Variants in NAALADL2 observed in about 807,000 individuals in gnomAD.
NAALADL2 encodes the protein inactive N-acetylated-alpha-linked acidic dipeptidase-like protein 2.
Under a neutral mutation model 87.2 loss-of-function variants are expected in NAALADL2, and 76 were observed. The ratio of observed to expected loss-of-function variants is 0.87; its 90% confidence interval spans 0.72 to 1.05. The LOEUF (loss-of-function observed/expected upper bound fraction) is 1.05, where lower values mean the gene tolerates loss of function less well. Among genes scored for constraint, NAALADL2 ranks in the 50% least tolerant of loss-of-function variants. The pLI, the probability that NAALADL2 is intolerant of heterozygous loss-of-function variation, is 0.00. For missense variants in NAALADL2, 1,089 were observed against 945.8 expected (o/e 1.15, Z -1.99); for synonymous variants, 354 against 331.0 (o/e 1.07, Z -0.75).
intron 2 of NAALADL2, among the ~76,000 whole-genome samples, chr3:174,726,974 C>A (rs887197656): frequency 2.0e-5 from 3 of 151,964 alleles, no homozygotes; most frequent in African/African-American, 7.2e-5. Flanking sequence ...ATATGTGGTT[C>A]ATTTATTTAT....
At chr3:175,175,485 G>T (rs750277927) in intron 2 of NAALADL2, among the ~76,000 whole-genome samples, 3 of 151,722 alleles carry the variant, frequency 2.0e-5, no homozygotes, top group Admixed American at 6.6e-5. Context: ...CAATATCTTG[G>T]CCTTTGTATT....
chr3:175,241,135 A>G lies in NAALADL2; in HGVS notation c.819+6931A>G, dbSNP rs571795489. On this transcript the variant is annotated intron_variant, in intron 3 of 13. Coordinates refer to ENST00000454872, the MANE Select transcript of NAALADL2 (RefSeq NM_207015.3). Reference sequence around the variant, plus strand: ...GCATACAGTCCCTTGGTCCAGTGTGACCTTCTGTTTCTCATTTTATGAGCT... The same window carrying G: ...GCATACAGTCCCTTGGTCCAGTGTGGCCTTCTGTTTCTCATTTTATGAGCT... 1.4e-4 allele frequency among the ~76,000 whole-genome samples: 22 copies of G among 152,206 alleles called. No homozygotes were observed. In the South Asian group the frequency reaches 3.9e-3, roughly 27 times the overall value.
intron 2 of NAALADL2, among the ~76,000 whole-genome samples, chr3:174,718,646 A>G (rs1022887589): frequency 2.6e-5 from 4 of 152,300 alleles, no homozygotes; most frequent in Admixed American, 2.0e-4. Context: ...AGGTCCAGAG[A>G]GATTAAGCAA....
chr3:174,868,896 G>A (rs1560303377), intron 1 of NAALADL2, among the ~76,000 whole-genome samples: 1 of 152,022 alleles, frequency 6.6e-6, no homozygotes, highest in Non-Finnish European at 1.5e-5. Flanking sequence ...AGGCATAAAT[G>A]GTGTATGACA....
intron 1 of NAALADL2, among the ~76,000 whole-genome samples, chr3:175,039,927 T>C (rs981992687): frequency 1.3e-5 from 2 of 152,208 alleles, no homozygotes; most frequent in Non-Finnish European, 2.9e-5. Flanking sequence ...TACAAGATTA[T>C]ACCTAACACT....
At chr3:175,509,111 C>T (rs373852892) in intron 9 of NAALADL2, among the ~76,000 whole-genome samples, 6 of 149,286 alleles carry the variant, frequency 4.0e-5, no homozygotes, top group East Asian at 3.9e-4. Flanking sequence ...AGCAAAACTC[C>T]GTGTCAAAAA....
At chr3:175,141,306 A>G (rs1385198671) in intron 2 of NAALADL2, among the ~76,000 whole-genome samples, 1 of 152,076 alleles carries the variant, frequency 6.6e-6, no homozygotes, top group Non-Finnish European at 1.5e-5. Flanking sequence ...GCAGTTCCCA[A>G]CAGGTCAAGT....
chr3:174,460,276 A>T (rs1716130645), intron 1 of NAALADL2, among the ~76,000 whole-genome samples: 1 of 152,114 alleles, frequency 6.6e-6, no homozygotes, highest in South Asian at 2.1e-4. Flanking sequence ...TTGTTCATGT[A>T]TTAAAACAGT....
intron 1 of NAALADL2, among the ~76,000 whole-genome samples, chr3:175,008,357 G>C (rs973626954): frequency 6.6e-6 from 1 of 152,104 alleles, no homozygotes; most frequent in African/African-American, 2.4e-5. Context: ...CCTCAGCCTG[G>C]GTGGCCGAGT....
intron 1 of NAALADL2, among the ~76,000 whole-genome samples, chr3:175,018,930 G>C (rs777410793): frequency 1.3e-5 from 2 of 151,930 alleles, no homozygotes; most frequent in Non-Finnish European, 2.9e-5. Flanking sequence ...ACTTTCTTTT[G>C]GTAAGTGTTC....
chr3:175,232,176 AGGAG>A, intron 2 of NAALADL2, among the ~76,000 whole-genome samples: 1 of 151,336 alleles, frequency 6.6e-6, no homozygotes, highest in Non-Finnish European at 1.5e-5. Flanking sequence ...GAGGAGGAGA[AGGAG>A]CAAGAGGAAG....
At chr3:175,596,034 T>G (rs1722204209) in intron 10 of NAALADL2, among the ~76,000 whole-genome samples, 2 of 152,066 alleles carry the variant, frequency 1.3e-5, no homozygotes, top group Admixed American at 1.3e-4. Context: ...CCTTTTAATA[T>G]TTTTAAATAT....
intron 1 of NAALADL2, among the ~76,000 whole-genome samples, chr3:174,882,638 C>CATACATATATGTGCATATGCAT (rs1231155249): frequency 1.8e-4 from 15 of 81,284 alleles, no homozygotes; most frequent in African/African-American, 7.6e-4. Flanking sequence ...TGCATATACA[C>CATACATATATGTGCATATGCAT]ATATGTGCAT....
chr3:174,878,735 C>A (rs1728822103), intron 1 of NAALADL2, among the ~76,000 whole-genome samples: 1 of 151,962 alleles, frequency 6.6e-6, no homozygotes, highest in African/African-American at 2.4e-5. Flanking sequence ...ATAGACCCCA[C>A]CCCTTCTGCT....
chr3:175,795,181 A>C (rs1378228346), intron 13 of NAALADL2, among the ~76,000 whole-genome samples: 5 of 152,230 alleles, frequency 3.3e-5, no homozygotes. Context: ...ACAAACATTC[A>C]GTCTATAACA....
intron 13 of NAALADL2, 43 bp from the exon 14 acceptor site, chr3:175,802,962 G>A (rs779878015): frequency 7.8e-7 from 1 of 1,274,940 alleles, no homozygotes; most frequent in East Asian, 2.4e-5. Flanking sequence ...TAGAAAAATA[G>A]CATTGTGCAT....
intron 10 of NAALADL2, among the ~76,000 whole-genome samples, chr3:175,580,666 T>C (rs894654044): frequency 6.6e-6 from 1 of 152,208 alleles, no homozygotes; most frequent in Non-Finnish European, 1.5e-5. Context: ...TTTTACCTTT[T>C]CTACTTCAAA....
chr3:174,656,324 C>A (rs1228248061), intron 2 of NAALADL2, among the ~76,000 whole-genome samples: 2 of 152,084 alleles, frequency 1.3e-5, no homozygotes, highest in Non-Finnish European at 2.9e-5. Context: ...TTCCAAATTT[C>A]CCAAAATAGA....
chr3:174,474,389 A>T (rs1277801292), intron 1 of NAALADL2, among the ~76,000 whole-genome samples: 1 of 152,276 alleles, frequency 6.6e-6, no homozygotes, highest in Non-Finnish European at 1.5e-5. Context: ...AAACATTCTC[A>T]TGTCATAATA....
Sources: allele counts gnomAD v4.1 joint callset (sites outside exome capture counted in the v4.1 genomes callset), GRCh38; gene constraint gnomAD v4.1.1; transcripts MANE v1.5; gene names NCBI Gene and HGNC (gene_info 2026-07-23, HGNC 2026-07-21).